Variants in TUBGCP2 observed in about 807,000 individuals in gnomAD.
TUBGCP2 encodes the protein tubulin gamma complex component 2, also known as gamma-tubulin complex component 2.
Under a neutral mutation model 92.2 loss-of-function variants are expected in TUBGCP2, and 55 were observed. The observed-to-expected ratio is 0.60, with a 90% CI of 0.48 to 0.75. TUBGCP2 has a LOEUF of 0.75. Among genes scored for constraint, TUBGCP2 ranks in the 30% least tolerant of loss-of-function variants. The pLI is 0.00. For synonymous variants in TUBGCP2, 533 were observed against 505.2 expected (o/e 1.06, Z -0.74); for missense variants, 1,093 against 1,188.9 (o/e 0.92, Z 1.19).
chr10:133,283,029 C>A, intron 15 of TUBGCP2, 49 bp downstream of exon 15: 1 of 1,608,190 alleles, frequency 6.2e-7, no homozygotes, highest in South Asian at 1.1e-5. Flanking sequence ...GGGACATGGT[C>A]TGCCCACCCG....
At position 133,292,529 on chromosome 10, in the gene TUBGCP2, A is replaced by G. The variant is rs747890831; in HGVS notation, c.1184T>C (p.Ile395Thr). 6.2e-6 allele frequency: 10 copies of G among 1,613,662 alleles called. No individual in the cohort carries two copies. The highest frequency in any genetic ancestry group is 8.5e-6 in the Non-Finnish European group (10 of 1,179,938). The change falls in exon 8 of 18, where the codon ATC (isoleucine) becomes ACC (threonine). Residue 395 changes from isoleucine to threonine, a missense_variant. Ile to Thr is a moderately conservative substitution (Grantham distance 89). This residue lies in a region of TUBGCP2 where 5 missense variants were observed against 24.9 expected (regional missense o/e 0.20). Transcript: ENST00000252936. ...APYFEVLEKW[I>T]YRGIIHDPYS... Reference sequence around the variant, plus strand: ...TGGGTCGTGGATGATGCCCCTGTAGATCCACTTCTCCAGAACCTCGAAGTA... The same window carrying G: ...TGGGTCGTGGATGATGCCCCTGTAGGTCCACTTCTCCAGAACCTCGAAGTA...
chr10:133,302,965 A>G lies in TUBGCP2; in HGVS notation c.-24T>C. 6.2e-7 allele frequency: 1 copy of G among 1,613,886 alleles called. No individual in the cohort carries two copies. Among genetic ancestry groups the G allele is most frequent in the African/African-American group, 1.3e-5 (1 of 75,074 alleles). On this transcript the variant is annotated 5_prime_UTR_variant, in exon 2 of 18. It removes an upstream start codon present in the reference 5' UTR. Transcript: ENST00000252936. Reference sequence around the variant, plus strand: ...ATAGTTTTAGCTCTGAGGCACGAACATCACAATATGTTCTCCTATAGGTAA... The same window carrying G: ...ATAGTTTTAGCTCTGAGGCACGAACGTCACAATATGTTCTCCTATAGGTAA...
At chr10:133,287,763 C>T (rs1027370341) in intron 11 of TUBGCP2, among the ~76,000 whole-genome samples, 4 of 151,690 alleles carry the variant, frequency 2.6e-5, no homozygotes, top group African/African-American at 4.8e-5. Context: ...CAAAAAACAA[C>T]GACAACAAAA....
chr10:133,292,678 C>T lies in TUBGCP2; in HGVS notation c.1035G>A (p.Val345=), dbSNP rs755254307. 8.1e-6 allele frequency: 13 copies of T among 1,613,134 alleles called. No individual in the cohort carries two copies. The East Asian group carries it at 1.1e-4, about 14-fold the overall frequency. The change falls in exon 8 of 18, where the codon GTG becomes GTA. Residue 345 remains valine, a synonymous_variant. Coordinates refer to ENST00000252936, the MANE Select transcript of TUBGCP2 (RefSeq NM_006659.4). ...MDILASLATS[V]DKGECLGGST... Reference sequence around the variant, plus strand: ...ACCCCCCAAGACATTCGCCTTTGTCCACCGAGGTGGCTGTGGGGAGAAAGG... The same window carrying T: ...ACCCCCCAAGACATTCGCCTTTGTCTACCGAGGTGGCTGTGGGGAGAAAGG...
chr10:133,283,135 CA>C lies in TUBGCP2; in HGVS notation c.2231del (p.Leu744ArgfsTer2). The C allele has an allele frequency of 6.2e-7, 1 of 1,614,260 alleles. No individual in the cohort carries two copies. The highest frequency in any genetic ancestry group is 8.5e-7 in the Non-Finnish European group (1 of 1,180,046). ...ACATGAGCTTGGAGAAGACCTTCAGCAGCTCGGGGTTGGTGAGCATGCAGTC... is the reference window on the plus strand; with the variant it reads ...ACATGAGCTTGGAGAAGACCTTCAGCGCTCGGGGTTGGTGAGCATGCAGTC... ...LKDCMLTNPE[L>X]LKVFSKLMSV... is the part of the protein sequence containing the mutation. On this transcript the variant is annotated frameshift_variant, in exon 15 of 18. Transcript: ENST00000252936. LOFTEE classifies it high-confidence loss of function.
Position 133,298,083 on chromosome 10 carries a change from C to T in TUBGCP2, c.485G>A (p.Arg162Gln), listed in dbSNP as rs764113557. 22 of 1,613,946 alleles carry T rather than the reference C, an allele frequency of 1.4e-5. No individual in the cohort carries two copies. Among genetic ancestry groups the T allele is most frequent in the Non-Finnish European group, 1.8e-5 (21 of 1,180,010 alleles). The change falls in exon 5 of 18, where the codon CGA becomes CAA. Residue 162 changes from arginine (R) to glutamine (Q), a missense_variant. By Grantham distance (43) the Arg-to-Gln change is conservative. Transcript: ENST00000252936. ...QSLELKRKML[R>Q]DKQNKKNSGQ... ...TGAATTTTTTTTGTTCTGCTTGTCT[C>T]GAAGCATCTTTCTTTTAAGTTCCAG...
At chr10:133,287,447 T>C (rs1239198789) in intron 11 of TUBGCP2, among the ~76,000 whole-genome samples, 1 of 152,018 alleles carries the variant, frequency 6.6e-6, no homozygotes, top group African/African-American at 2.4e-5. Context: ...AACATATATA[T>C]ATTTTAAAAA....
rs184820328 is a variant in TUBGCP2, at chr10:133,282,015, C to G, written c.2409+208G>C. On this transcript the variant is annotated intron_variant, in intron 16 of 17. Transcript: ENST00000252936. Reference sequence around the variant, plus strand: ...AGATCTGTGGGGGTTCCCTCGAGCCCGACTGGCTGAAGTGGGGACCAGAGA... The same window carrying G: ...AGATCTGTGGGGGTTCCCTCGAGCCGGACTGGCTGAAGTGGGGACCAGAGA... Among the ~76,000 whole-genome samples, 769 of 152,374 alleles carry G rather than the reference C, an allele frequency of 5.0e-3. 8 individuals are homozygous for G. The highest frequency in any genetic ancestry group is 0.017 in the African/African-American group (722 of 41,592).
At position 133,291,256 on chromosome 10, in the gene TUBGCP2, C is replaced by T. The variant is rs974026980; in HGVS notation, c.1214+1243G>A. Among the ~76,000 whole-genome samples, 4 of 66,492 alleles carry T rather than the reference C, an allele frequency of 6.0e-5. No homozygotes were observed. The African/African-American group carries it at 1.1e-3, about 18-fold the overall frequency. 43.6% of individuals were successfully genotyped at this position (66,492 alleles called of 152,430 possible). A position where few individuals can be genotyped will look rare whatever the true frequency, so the allele number is the denominator to read the frequency against. On this transcript the variant is annotated intron_variant, in intron 8 of 17. Transcript: ENST00000252936. ...CACGCGCCCTCCGTGTCCCCCATGT[C>T]CCTCCGTGTCCCCCATGTCCCTCCG...
chr10:133,296,553 C>T (rs1376139115), intron 5 of TUBGCP2, among the ~76,000 whole-genome samples: 1 of 152,026 alleles, frequency 6.6e-6, no homozygotes, highest in East Asian at 1.9e-4. Flanking sequence ...TCACAGCTCA[C>T]TGCAGCCTCG....
At chr10:133,312,096 G>A, upstream of TUBGCP2, 1 of 1,449,970 alleles carries the variant, frequency 6.9e-7, no homozygotes, top group Non-Finnish European at 9.0e-7. Flanking sequence ...CTCATTGTCT[G>A]AGTGGGATGG....
chr10:133,288,218 C>T lies in TUBGCP2; in HGVS notation c.1633G>A (p.Asp545Asn). 6.2e-7 allele frequency: 1 copy of T among 1,613,910 alleles called. No homozygotes were observed. Among genetic ancestry groups the T allele is most frequent in the Non-Finnish European group, 8.5e-7 (1 of 1,179,958 alleles). ...GCTTCCAGGCGAGGGGGCGTGATGT[C>T]CTCCACCGGCTTCCGGAGCTCCTCC... ...AEEELRKPVE[D>N]ITPPRLEALL... The change falls in exon 11 of 18, where the codon GAC becomes AAC. Residue 545 changes from aspartate (D) to asparagine (N), a missense_variant. Coordinates refer to ENST00000252936, the MANE Select transcript of TUBGCP2 (RefSeq NM_006659.4).
Position 133,302,762 on chromosome 10 carries a change from G to A in TUBGCP2, c.150+30C>T, listed in dbSNP as rs369099647. ...CTGACCCAGGAACAGTGCTCACCCT[G>A]CACAGCGCTACACCAAGGGCAGTGC... is the stretch of plus-strand genomic sequence containing the variant. On this transcript the variant is annotated intron_variant, in intron 2 of 17. Transcript: ENST00000252936. 169 of 1,611,392 alleles carry A rather than the reference G, an allele frequency of 1.0e-4. 1 individual carries two copies. In the African/African-American group the frequency reaches 1.5e-3, roughly 14 times the overall value.
chr10:133,300,661 G>C (rs1329691327), intron 2 of TUBGCP2: 1 of 152,938 alleles, frequency 6.5e-6, no homozygotes, highest in East Asian at 1.9e-4. Context: ...ATTTTTTCTA[G>C]AGACAGGATT....
chr10:133,293,870 G>T (rs925119312), intron 5 of TUBGCP2, 101 bp from the exon 6 acceptor site: 37 of 1,182,256 alleles, frequency 3.1e-5, no homozygotes, highest in Non-Finnish European at 4.5e-5. Flanking sequence ...GCTCATCTTT[G>T]TTTATGGGTA....
rs1424028114 is a variant in TUBGCP2 at position 133,288,898 on chromosome 10, C to T, written c.1483G>A (p.Ala495Thr). Residue 495 changes from alanine to threonine, a missense_variant, in exon 10 of 18, where the codon GCC (alanine) becomes ACC (threonine). By Grantham distance (58) the Ala-to-Thr change is moderately conservative. Transcript: ENST00000252936. ...VEQIEKAFNY[A>T]SKVLLDFLME... ...AGGAAGTCCAGCAGCACCTTGCTGG[C>T]GTAGTTAAACGCCTTCTCGATCTGC... is the stretch of plus-strand genomic sequence containing the variant. 6 of 1,614,010 alleles carry T rather than the reference C, an allele frequency of 3.7e-6. No individual in the cohort carries two copies. The highest frequency in any genetic ancestry group is 1.7e-5 in the Admixed American group (1 of 59,994).
intron 1 of TUBGCP2, among the ~76,000 whole-genome samples, chr10:133,306,357 AT>A (rs1410997486): frequency 6.6e-6 from 1 of 152,224 alleles, no homozygotes. Flanking sequence ...AGGTTGTCCT[AT>A]AACTGCTGGT....
At chr10:133,293,437 C>G in intron 6 of TUBGCP2, 125 bp downstream of exon 6, 1 of 1,259,454 alleles carries the variant, frequency 7.9e-7, no homozygotes, top group Non-Finnish European at 1.1e-6. Flanking sequence ...GAGTTGGGCA[C>G]GGAGTTGTCA....
intron 7 of TUBGCP2, 64 bp from the exon 8 acceptor site, chr10:133,292,752 A>G: frequency 6.5e-7 from 1 of 1,536,042 alleles, no homozygotes; most frequent in Non-Finnish European, 8.8e-7. Context: ...TGCCAACAAC[A>G]CTGCTGGGGC....
Sources: allele counts gnomAD v4.1 joint callset (sites outside exome capture counted in the v4.1 genomes callset), GRCh38; gene constraint gnomAD v4.1.1; regional missense constraint gnomAD v4.1.1; transcripts MANE v1.5; gene names NCBI Gene and HGNC (gene_info 2026-07-23, HGNC 2026-07-21).